Variants in FGF13 observed in about 807,000 individuals in gnomAD.
FGF13 encodes the protein fibroblast growth factor homologous factor 2.
In FGF13, 2 loss-of-function variants were observed where a neutral mutation model predicts 19.5. That is an observed-to-expected ratio of 0.10 (90% CI 0.04 to 0.32). FGF13 has a LOEUF of 0.32. Ranked by LOEUF, FGF13 falls within the 10% of genes least tolerant of loss-of-function variation. The pLI is 1.00. For missense variants in FGF13, 113 were observed against 192.7 expected (o/e 0.59, Z 2.45); for synonymous variants, 72 against 76.9 (o/e 0.94, Z 0.33).
Position 139,050,448 on chromosome X carries a change from A to G in FGF13, c.-113+152968T>C, listed in dbSNP as rs775465350. 2.7e-5 allele frequency among the ~76,000 whole-genome samples: 3 copies of G among 112,332 alleles called. No individual in the cohort carries two copies. The South Asian group carries it at 1.1e-3, about 41-fold the overall frequency. Reference sequence around the variant, plus strand: ...TGTCTGCTTTGGATTGCATGAACACATAAATACAGCCAAATATCAAAAGCA... The same window carrying G: ...TGTCTGCTTTGGATTGCATGAACACGTAAATACAGCCAAATATCAAAAGCA... On this transcript the variant is annotated intron_variant, in intron 1 of 2. Transcript: ENST00000421460.
intron 1 of FGF13, among the ~76,000 whole-genome samples, chrX:138,727,317 C>A (rs903973551): frequency 1.8e-5 from 2 of 109,669 alleles, no homozygotes; most frequent in African/African-American, 6.6e-5. Flanking sequence ...TCATTGAAGC[C>A]CCCCCTGCTG....
chrX:138,899,788 A>G (rs2091522595), intron 1 of FGF13, among the ~76,000 whole-genome samples: 1 of 107,120 alleles, frequency 9.3e-6, no homozygotes, highest in Non-Finnish European at 1.9e-5. Flanking sequence ...GCTTTTCTTA[A>G]GGTAATTAAT....
At chrX:139,097,395 C>T (rs1224296609) in intron 1 of FGF13, among the ~76,000 whole-genome samples, 1 of 111,224 alleles carries the variant, frequency 9.0e-6, no homozygotes, top group Non-Finnish European at 1.9e-5. Flanking sequence ...CATCCTGGGC[C>T]ACATGTGGCT....
At chrX:138,805,693 T>G (rs2090861352) in intron 3 of FGF13, among the ~76,000 whole-genome samples, 1 of 112,390 alleles carries the variant, frequency 8.9e-6, no homozygotes, top group Admixed American at 9.5e-5. Flanking sequence ...AATTTTATTT[T>G]ATTGTAGTAA....
chrX:138,721,611 G>C (rs1166019011), intron 1 of FGF13, among the ~76,000 whole-genome samples: 5 of 110,176 alleles, frequency 4.5e-5, no homozygotes, highest in African/African-American at 9.9e-5. Context: ...TCTCCCTCAT[G>C]ATTCCTTACT....
intron 1 of FGF13, among the ~76,000 whole-genome samples, chrX:139,143,006 T>C (rs1017926661): frequency 8.9e-6 from 1 of 112,027 alleles, no homozygotes; most frequent in African/African-American, 3.2e-5. Flanking sequence ...AGACTCAGCA[T>C]TTGGAGAATC....
At chrX:139,130,781 C>A (rs1196248378) in intron 1 of FGF13, among the ~76,000 whole-genome samples, 1 of 111,547 alleles carries the variant, frequency 9.0e-6, no homozygotes, top group Non-Finnish European at 1.9e-5. Flanking sequence ...AGATTTTATA[C>A]CAAAATATAT....
chrX:139,102,096 G>T (rs1302528327), intron 1 of FGF13, among the ~76,000 whole-genome samples: 8 of 111,953 alleles, frequency 7.1e-5, no homozygotes, highest in African/African-American at 2.6e-4. Flanking sequence ...TCTTCTAGTT[G>T]TTTGTGTATG....
chrX:138,992,622 T>A (rs1163839319), intron 1 of FGF13, among the ~76,000 whole-genome samples: 1 of 111,281 alleles, frequency 9.0e-6, no homozygotes, highest in Admixed American at 9.6e-5. Context: ...TAAAAATAAA[T>A]AATTGAATAA....
chrX:139,033,341 GT>G (rs2092237736), intron 1 of FGF13, among the ~76,000 whole-genome samples: 1 of 111,958 alleles, frequency 8.9e-6, no homozygotes, highest in Non-Finnish European at 1.9e-5. Context: ...AAGCCAGAAA[GT>G]TCACACTTAT....
chrX:138,914,636 C>T (rs868185387), intron 1 of FGF13, among the ~76,000 whole-genome samples: 22 of 76,919 alleles, frequency 2.9e-4, no homozygotes, highest in African/African-American at 6.6e-4. Flanking sequence ...TTGTGTTGGA[C>T]TTTTTTTTTT....
intron 1 of FGF13, among the ~76,000 whole-genome samples, chrX:138,926,998 A>G (rs2091677418): frequency 1.8e-5 from 2 of 111,523 alleles, no homozygotes; most frequent in African/African-American, 6.5e-5. Context: ...CTAAGCCTAT[A>G]TGGCCAGAGC....
intron 2 of FGF13, 43 bp from the exon 3 acceptor site, chrX:138,703,130 AT>A: frequency 9.8e-7 from 1 of 1,025,283 alleles, no homozygotes; most frequent in Non-Finnish European, 1.4e-6. Context: ...ACAATTCTGA[AT>A]TTCAGAACTT....
chrX:139,036,936 G>A (rs1569445198), intron 1 of FGF13, among the ~76,000 whole-genome samples: 2 of 111,049 alleles, frequency 1.8e-5, no homozygotes, highest in Non-Finnish European at 3.8e-5. Context: ...GGGAATTGTG[G>A]GAGTTATAAT....
chrX:138,978,443 TA>T (rs774515217), intron 1 of FGF13, among the ~76,000 whole-genome samples: 1 of 110,250 alleles, frequency 9.1e-6, no homozygotes, highest in East Asian at 2.9e-4. Context: ...TTTGTATTTT[TA>T]GTAGAGACGG....
At chrX:139,069,356 C>T (rs1314260755) in intron 1 of FGF13, among the ~76,000 whole-genome samples, 1 of 69,001 alleles carries the variant, frequency 1.4e-5, no homozygotes, top group Non-Finnish European at 2.6e-5. Context: ...AGTAAACTAT[C>T]GCAAGAACAA....
chrX:139,122,079 C>T (rs1489963852), intron 1 of FGF13, among the ~76,000 whole-genome samples: 2 of 111,130 alleles, frequency 1.8e-5, no homozygotes, highest in Non-Finnish European at 3.8e-5. Flanking sequence ...GGGGTATAGG[C>T]TTTGTATTGC....
intron 1 of FGF13, among the ~76,000 whole-genome samples, chrX:138,737,468 C>T (rs1376792141): frequency 8.9e-6 from 1 of 111,915 alleles, no homozygotes; most frequent in African/African-American, 3.2e-5. Flanking sequence ...TGTCCCACAG[C>T]TTGCATTCAT....
At chrX:138,669,593 G>A (rs867432429) in intron 3 of FGF13, among the ~76,000 whole-genome samples, 10 of 111,076 alleles carry the variant, frequency 9.0e-5, no homozygotes, top group Non-Finnish European at 1.5e-4. Flanking sequence ...AAAGCGGCAT[G>A]CAGTCTACAT....
Sources: gnomAD v4.1 joint callset for allele counts (sites outside exome capture counted in the v4.1 genomes callset) on GRCh38, gnomAD v4.1.1 for gene constraint, MANE v1.5 for transcripts, NCBI Gene and HGNC (gene_info 2026-07-23, HGNC 2026-07-21) for gene names.